BTBD7: variants seen among roughly 807,000 people sequenced by gnomAD.
BTBD7 encodes BTB domain containing 7.
Under a neutral mutation model 99.9 loss-of-function variants are expected in BTBD7, and 38 were observed. The observed-to-expected ratio is 0.38, with a 90% confidence interval of 0.29 to 0.50. The LOEUF (loss-of-function observed/expected upper bound fraction) is 0.50, where lower values mean the gene tolerates loss of function less well. BTBD7 is among the 20% of genes least tolerant of loss of function. The pLI, the probability that BTBD7 is intolerant of heterozygous loss-of-function variation, is 0.93. For missense variants in BTBD7, 1,170 were observed against 1,394.6 expected, an observed-to-expected ratio of 0.84 and a Z score of 2.57; for synonymous variants, 520 against 511.4, an observed-to-expected ratio of 1.02 and a Z score of -0.23.
chr14:93,262,580 G>T (rs1275383920), intron 4 of BTBD7, among the ~76,000 whole-genome samples: 1 of 152,112 alleles, frequency 6.6e-6, no homozygotes, highest in African/African-American at 2.4e-5. Flanking sequence ...AAATGAAAGT[G>T]TAAGTATAGG....
chr14:93,267,339 C>T (rs1231096909), intron 3 of BTBD7, among the ~76,000 whole-genome samples: 2 of 152,186 alleles, frequency 1.3e-5, no homozygotes, highest in Non-Finnish European at 2.9e-5. Flanking sequence ...AGGCAAATCA[C>T]TTCACTCTTT....
At chr14:93,249,266 C>CAAA (rs56893984) in intron 8 of BTBD7, among the ~76,000 whole-genome samples, 261 of 25,938 alleles carry the variant, frequency 0.01, 18 homozygotes, top group Non-Finnish European at 0.012. Context: ...ACCAGATAGG[C>CAAA]AAAAAAAAAA....
Position 93,296,131 on chromosome 14 carries a change from G to T in BTBD7, c.-80C>A. 1.4e-6 allele frequency: 2 copies of T among 1,429,044 alleles called. No individual in the cohort carries two copies. The highest frequency in any genetic ancestry group is 1.7e-5 in the South Asian group (1 of 59,082). The allele number at this position is 1,429,044 out of a possible 1,614,324, so 88.5% of individuals were successfully genotyped here. On this transcript the variant is annotated 5_prime_UTR_variant, in exon 2 of 11. Coordinates refer to ENST00000334746, the MANE Select transcript of BTBD7 (RefSeq NM_001002860.4). Reference sequence around the variant, plus strand: ...AGGCCTTTATGAACCTTCAACCCTGGATCCAGCAGCCTCTTTTCATCCATT... The same window carrying T: ...AGGCCTTTATGAACCTTCAACCCTGTATCCAGCAGCCTCTTTTCATCCATT...
chr14:93,242,112 G>A lies in BTBD7; in HGVS notation c.*161C>T. 5.0e-6 allele frequency: 3 copies of A among 595,698 alleles called. No homozygotes were observed. Among genetic ancestry groups the A allele is most frequent in the Non-Finnish European group, 5.7e-6 (2 of 353,266 alleles). 36.9% of individuals were successfully genotyped at this position (595,698 alleles called of 1,614,324 possible). ...AAAAAAAAAAAACAAAACCTTCTTA[G>A]CATGCCATGTCTAATAAACACATAT... On this transcript the variant is annotated 3_prime_UTR_variant, in exon 11 of 11. Transcript: ENST00000334746.
intron 3 of BTBD7, among the ~76,000 whole-genome samples, chr14:93,285,252 A>G (rs1413264390): frequency 1.3e-5 from 2 of 152,096 alleles, no homozygotes; most frequent in Admixed American, 6.6e-5. Flanking sequence ...GCTATTTTGC[A>G]TTTGTTTCAA....
intron 3 of BTBD7, among the ~76,000 whole-genome samples, chr14:93,273,728 CTCTT>C (rs1337664058): frequency 1.3e-5 from 2 of 152,200 alleles, no homozygotes; most frequent in African/African-American, 2.4e-5. Context: ...AATGCTTGTT[CTCTT>C]TAAGATCAGT....
At chr14:93,293,708 A>G in intron 3 of BTBD7, 150 bp downstream of exon 3, 1 of 953,874 alleles carries the variant, frequency 1.0e-6, no homozygotes, top group Non-Finnish European at 1.5e-6. Context: ...CTGACCCTCA[A>G]TCTGTCTCAG....
chr14:93,264,065 C>T (rs1566840972), intron 3 of BTBD7, 72 bp from the exon 4 acceptor site: 12 of 1,378,458 alleles, frequency 8.7e-6, no homozygotes, highest in South Asian at 7.4e-5. Flanking sequence ...GTGCTAGGCA[C>T]GATATTTAAA....
In BTBD7 at chr14:93,251,432, T is replaced by G; in HGVS notation, c.1942+31A>C. The G allele has an allele frequency of 2.6e-6, 4 of 1,519,192 alleles. No individual in the cohort carries two copies. The South Asian group carries it at 5.3e-5, about 20-fold the overall frequency. The allele number at this position is 1,519,192 out of a possible 1,614,324, so 94.1% of individuals were successfully genotyped here. Reference sequence around the variant, plus strand: ...TTCAAAAAAACAATAAATTATTCATTTAAATATAAACACCCAACATACTGC... The same window carrying G: ...TTCAAAAAAACAATAAATTATTCATGTAAATATAAACACCCAACATACTGC... On this transcript the variant is annotated intron_variant, in intron 8 of 10. Transcript: ENST00000334746.
intron 1 of BTBD7, among the ~76,000 whole-genome samples, chr14:93,325,467 T>C (rs2053320306): frequency 6.6e-6 from 1 of 152,004 alleles, no homozygotes; most frequent in Middle Eastern, 3.2e-3. Context: ...ATATAGAGAA[T>C]AGCCAGAGAT....
rs2052807106 is a variant in BTBD7 at position 93,288,464 on chromosome 14, C to T, written c.1162+5394G>A. 4.2e-6 allele frequency: 3 copies of T among 711,870 alleles called. No homozygotes were observed. The East Asian group carries it at 7.9e-5, about 19-fold the overall frequency. The allele number at this position is 711,870 out of a possible 1,614,324, so 44.1% of individuals were successfully genotyped here. A position where few individuals can be genotyped will look rare whatever the true frequency, so the allele number is the denominator to read the frequency against. ...CTTTAATAGCATCCTGCTTATGTCT[C>T]ACTGATTCCATAAAAAGTTCTTTTA... On this transcript the variant is annotated intron_variant, in intron 3 of 10. Coordinates refer to ENST00000334746, the MANE Select transcript of BTBD7 (RefSeq NM_001002860.4).
Position 93,240,145 on chromosome 14 carries a change from G to A in BTBD7, c.*2128C>T, listed in dbSNP as rs533729457. ...TCTTTAAAAAAGGAGCCTCGAATGC[G>A]ATGCACAGCCGACCTGCAGATTAGT... On this transcript the variant is annotated 3_prime_UTR_variant, in exon 11 of 11. Coordinates refer to ENST00000334746, the MANE Select transcript of BTBD7 (RefSeq NM_001002860.4). 1 of 152,554 alleles carries A rather than the reference G, an allele frequency of 6.6e-6. No homozygotes were observed. Among genetic ancestry groups the A allele is most frequent in the South Asian group, 2.1e-4 (1 of 4,830 alleles). 9.5% of individuals were successfully genotyped at this position (152,554 alleles called of 1,614,324 possible).
intron 3 of BTBD7, among the ~76,000 whole-genome samples, chr14:93,271,745 C>G (rs548871814): frequency 6.6e-6 from 1 of 152,178 alleles, no homozygotes. Flanking sequence ...TGGCTCACAC[C>G]GGTAATCCCA....
intron 5 of BTBD7, among the ~76,000 whole-genome samples, chr14:93,260,763 G>A (rs1250660940): frequency 6.6e-6 from 1 of 152,114 alleles, no homozygotes; most frequent in Non-Finnish European, 1.5e-5. Flanking sequence ...ATGTTGGTCA[G>A]GCTGGTCTCG....
intron 3 of BTBD7, among the ~76,000 whole-genome samples, chr14:93,282,555 A>G (rs2052733128): frequency 6.6e-6 from 1 of 150,890 alleles, no homozygotes; most frequent in Admixed American, 6.6e-5. Flanking sequence ...CTGGTCTTGA[A>G]CTCCTGACTG....
intron 5 of BTBD7, among the ~76,000 whole-genome samples, chr14:93,259,640 T>TA (rs2052466812): frequency 6.6e-6 from 1 of 152,234 alleles, no homozygotes; most frequent in South Asian, 2.1e-4. Context: ...TGCTGGCATT[T>TA]AAAAAACTTT....
At chr14:93,308,396 C>T (rs536975039) in intron 1 of BTBD7, among the ~76,000 whole-genome samples, 50 of 151,854 alleles carry the variant, frequency 3.3e-4, no homozygotes, top group Non-Finnish European at 6.5e-4. Context: ...CCCTCAAATA[C>T]GACTTGTGGA....
intron 3 of BTBD7, among the ~76,000 whole-genome samples, chr14:93,272,632 T>A (rs2052612410): frequency 6.6e-6 from 1 of 152,196 alleles, no homozygotes; most frequent in Admixed American, 6.5e-5. Flanking sequence ...TTGAAAGGTT[T>A]AAGTTTTCTA....
chr14:93,253,667 G>A lies in BTBD7; in HGVS notation c.1732C>T (p.Pro578Ser), dbSNP rs143914698. The A allele has an allele frequency of 1.9e-5, 31 of 1,610,296 alleles. No individual in the cohort carries two copies. The highest frequency in any genetic ancestry group is 2.6e-5 in the Non-Finnish European group (31 of 1,177,346). ...GIYVRPRLFSPYVEEAKSVLD... is the reference protein window; with the variant it reads ...GIYVRPRLFSSYVEEAKSVLD... ...ATTACCTTTGCTTCTTCCACATAGGGAGAGAAGAGTCGAGGACGAACATAG... is the reference window on the plus strand; with the variant it reads ...ATTACCTTTGCTTCTTCCACATAGGAAGAGAAGAGTCGAGGACGAACATAG... The change falls in exon 7 of 11, where the codon CCC becomes TCC. Residue 578 changes from proline (P) to serine (S), a missense_variant. Pro to Ser is a moderately conservative substitution (Grantham distance 74). This residue lies in a region of BTBD7 where 309 missense variants were observed against 342.0 expected (regional missense o/e 0.90). Transcript: ENST00000334746.
Sources: allele counts gnomAD v4.1 joint callset (sites outside exome capture counted in the v4.1 genomes callset), GRCh38; gene constraint gnomAD v4.1.1; regional missense constraint gnomAD v4.1.1; transcripts MANE v1.5; gene names NCBI Gene and HGNC (gene_info 2026-07-23, HGNC 2026-07-21).